Variants in CLYBL observed in about 807,000 individuals in gnomAD.
CLYBL encodes citramalyl-CoA lyase.
A neutral mutation model predicts 38.9 loss-of-function variants in CLYBL; 31 were observed. That is an observed-to-expected ratio of 0.80 (90% CI 0.60 to 1.08). The LOEUF (loss-of-function observed/expected upper bound fraction) is 1.08. Among genes scored for constraint, CLYBL ranks in the 50% least tolerant of loss-of-function variants. The pLI, the probability that CLYBL is intolerant of heterozygous loss-of-function variation, is 0.00. For synonymous variants in CLYBL, 171 were observed against 158.6 expected (o/e 1.08, Z -0.59); for missense variants, 434 against 411.6 (o/e 1.05, Z -0.47).
chr13:99,650,636 G>A (rs2047240122), intron 1 of CLYBL, among the ~76,000 whole-genome samples: 1 of 152,112 alleles, frequency 6.6e-6, no homozygotes, highest in Admixed American at 6.5e-5. Flanking sequence ...TGCCTCCATG[G>A]ACTCTAGCAC....
chr13:99,707,255 CA>C (rs1471308170), intron 1 of CLYBL, among the ~76,000 whole-genome samples: 6 of 152,068 alleles, frequency 3.9e-5, no homozygotes, highest in Non-Finnish European at 8.8e-5. Flanking sequence ...TAGTATTATG[CA>C]ATTTCATTTT....
intron 8 of CLYBL, among the ~76,000 whole-genome samples, chr13:99,903,370 GCA>G (rs954241988): frequency 2.6e-5 from 4 of 151,598 alleles, no homozygotes; most frequent in East Asian, 1.9e-4. Context: ...AAACACACTG[GCA>G]CACACACACG....
chr13:99,764,644 G>A (rs890876983), intron 1 of CLYBL, among the ~76,000 whole-genome samples: 4 of 150,508 alleles, frequency 2.7e-5, no homozygotes, highest in African/African-American at 7.3e-5. Context: ...CTTTTTTCTC[G>A]GTCTAACCAA....
intron 1 of CLYBL, among the ~76,000 whole-genome samples, chr13:99,613,059 A>G (rs990269667): frequency 4.7e-5 from 7 of 150,086 alleles, no homozygotes; most frequent in African/African-American, 1.7e-4. Flanking sequence ...AATAATAATA[A>G]TAATAACAAA....
At chr13:99,852,362 C>T (rs1402734375) in intron 2 of CLYBL, among the ~76,000 whole-genome samples, 4 of 152,116 alleles carry the variant, frequency 2.6e-5, no homozygotes, top group Non-Finnish European at 5.9e-5. Flanking sequence ...CTGCAGCCTC[C>T]CAAGCAGCTG....
intron 1 of CLYBL, among the ~76,000 whole-genome samples, chr13:99,621,645 T>G (rs1430088940): frequency 1.3e-5 from 2 of 152,196 alleles, no homozygotes; most frequent in African/African-American, 4.8e-5. Flanking sequence ...ACATGGTGGT[T>G]TAAATTAAGC....
At chr13:99,872,983 C>T (rs2051947372) in intron 7 of CLYBL, among the ~76,000 whole-genome samples, 1 of 151,484 alleles carries the variant, frequency 6.6e-6, no homozygotes, top group African/African-American at 2.4e-5. Context: ...CTCGTTGGGG[C>T]ATAAGCTCTC....
At chr13:99,700,437 T>G (rs961667742) in intron 1 of CLYBL, among the ~76,000 whole-genome samples, 1 of 151,950 alleles carries the variant, frequency 6.6e-6, no homozygotes, top group Admixed American at 6.6e-5. Flanking sequence ...AGAGAAAAAC[T>G]CCATCTCAAA....
intron 1 of CLYBL, among the ~76,000 whole-genome samples, chr13:99,772,208 A>G (rs778600587): frequency 6.6e-5 from 10 of 152,086 alleles, no homozygotes; most frequent in Admixed American, 1.3e-4. Context: ...CATAGATGCT[A>G]TCTAGACAGT....
chr13:99,749,271 G>A (rs1013288070), intron 1 of CLYBL, among the ~76,000 whole-genome samples: 5 of 152,178 alleles, frequency 3.3e-5, no homozygotes, highest in Non-Finnish European at 7.3e-5. Flanking sequence ...GATGGTCTGA[G>A]GAGGCAGTAC....
chr13:99,765,536 A>G (rs1156946790), intron 1 of CLYBL, among the ~76,000 whole-genome samples: 1 of 151,932 alleles, frequency 6.6e-6, no homozygotes, highest in African/African-American at 2.4e-5. Context: ...TCCCTATTGA[A>G]CCTCAATAAT....
At chr13:99,819,117 G>A (rs147634032) in intron 2 of CLYBL, among the ~76,000 whole-genome samples, 118 of 151,858 alleles carry the variant, frequency 7.8e-4, no homozygotes, top group African/African-American at 2.3e-3. Context: ...AGGCTGAGGC[G>A]GGAGAATCGC....
At chr13:99,799,992 G>T (rs1332569099) in intron 2 of CLYBL, among the ~76,000 whole-genome samples, 2 of 152,236 alleles carry the variant, frequency 1.3e-5, no homozygotes, top group South Asian at 4.1e-4. Flanking sequence ...CATGATTAGG[G>T]ATCCTGTTGG....
intron 1 of CLYBL, among the ~76,000 whole-genome samples, chr13:99,686,823 G>A (rs559088179): frequency 8.5e-5 from 13 of 152,292 alleles, no homozygotes; most frequent in African/African-American, 3.1e-4. Context: ...AATTTAAAGT[G>A]TCTCAGCCGG....
rs955525380 is a variant in CLYBL at position 99,866,404 on chromosome 13, A to G, written c.799A>G (p.Thr267Ala). The change falls in exon 6 of 9, where the codon ACT becomes GCT. Residue 267 changes from threonine to alanine, a missense_variant. By Grantham distance (58) the Thr-to-Ala change is moderately conservative. Transcript: ENST00000339105. ...ACGAGAAGGAGCCGCCATGGGCTTC[A>G]CTGGTATGATTCCTGTCTTAGAAAG... The part of the protein sequence containing the change: ...QSREGAAMGF[T>A]GKQVIHPNQI... The G allele has an allele frequency of 1.9e-6, 3 of 1,610,090 alleles. No individual in the cohort carries two copies. Among genetic ancestry groups the G allele is most frequent in the Non-Finnish European group, 2.5e-6 (3 of 1,179,150 alleles).
chr13:99,739,712 G>C (rs1355383726), intron 1 of CLYBL, among the ~76,000 whole-genome samples: 1 of 152,210 alleles, frequency 6.6e-6, no homozygotes, highest in African/African-American at 2.4e-5. Context: ...GGTGGCTCAC[G>C]CCGGTAATCC....
At chr13:99,870,087 A>C (rs1399806774) in intron 6 of CLYBL, among the ~76,000 whole-genome samples, 1 of 152,126 alleles carries the variant, frequency 6.6e-6, no homozygotes, top group East Asian at 1.9e-4. Context: ...AAAAAGAATC[A>C]TAAATCTTTT....
intron 1 of CLYBL, among the ~76,000 whole-genome samples, chr13:99,707,893 T>C (rs971346748): frequency 6.6e-6 from 1 of 152,182 alleles, no homozygotes; most frequent in African/African-American, 2.4e-5. Context: ...ACAGATTCTG[T>C]TGGACCCACA....
intron 1 of CLYBL, among the ~76,000 whole-genome samples, chr13:99,673,412 C>CAAA (rs34517548): frequency 1.3e-4 from 18 of 142,674 alleles, no homozygotes; most frequent in African/African-American, 3.1e-4. Context: ...GACTCCGTCT[C>CAAA]AAAAAAAAAA....
Sources: allele counts gnomAD v4.1 joint callset (sites outside exome capture counted in the v4.1 genomes callset), GRCh38; gene constraint gnomAD v4.1.1; transcripts MANE v1.5; gene names NCBI Gene and HGNC (gene_info 2026-07-23, HGNC 2026-07-21).